Variants in PDE4DIP observed in about 807,000 individuals in gnomAD.
PDE4DIP encodes myomegalin.
PDE4DIP carries 59 observed loss-of-function variants against 221.4 expected under a neutral mutation model. That is an observed-to-expected ratio of 0.27 (90% CI 0.22 to 0.33). The LOEUF is 0.33. Ranked by LOEUF, PDE4DIP falls within the 10% of genes least tolerant of loss-of-function variation. PDE4DIP has a pLI of 1.00. For synonymous variants in PDE4DIP, 404 were observed against 815.9 expected (o/e 0.50, Z 8.60); for missense variants, 1,036 against 2,154.2 (o/e 0.48, Z 10.28).
chr1:149,022,550 AAT>A (rs1171876424), intron 37 of PDE4DIP, among the ~76,000 whole-genome samples: 21 of 152,294 alleles, frequency 1.4e-4, no homozygotes, highest in Admixed American at 3.3e-4. Flanking sequence ...AACCTGAAGA[AAT>A]AGAGGGGGCT....
chr1:148,979,866 T>C lies in PDE4DIP; in HGVS notation c.2687+17T>C. ...TCCAGAGAGGTAAGAGAGAGGCTGTTTTTTCTTTTATTCTTTATTGAAATT... is the reference window on the plus strand; with the variant it reads ...TCCAGAGAGGTAAGAGAGAGGCTGTCTTTTCTTTTATTCTTTATTGAAATT... On this transcript the variant is annotated intron_variant, in intron 20 of 43. Transcript: ENST00000369354. 6.2e-7 allele frequency: 1 copy of C among 1,609,328 alleles called. No homozygotes were observed. Among genetic ancestry groups the C allele is most frequent in the Non-Finnish European group, 8.5e-7 (1 of 1,177,280 alleles).
chr1:148,933,896 C>T (rs1255515387), intron 4 of PDE4DIP, among the ~76,000 whole-genome samples: 4 of 149,670 alleles, frequency 2.7e-5, no homozygotes, highest in South Asian at 4.3e-4. Flanking sequence ...CTTTGTTGAG[C>T]TCTTACCATA....
chr1:148,919,699 C>A (rs1294818371), intron 1 of PDE4DIP, among the ~76,000 whole-genome samples: 8 of 151,694 alleles, frequency 5.3e-5, no homozygotes, highest in Admixed American at 4.6e-4. Context: ...TAAAATAAAA[C>A]CCATTCACTA....
At chr1:148,979,281 A>C (rs587677005) in intron 19 of PDE4DIP, among the ~76,000 whole-genome samples, 1 of 152,274 alleles carries the variant, frequency 6.6e-6, no homozygotes, top group Non-Finnish European at 1.5e-5. Context: ...CACTTATTAC[A>C]CTCACAATGA....
chr1:148,938,516 T>C (rs2049776959), intron 5 of PDE4DIP: 1 of 151,760 alleles, frequency 6.6e-6, no homozygotes, highest in Non-Finnish European at 1.5e-5. Flanking sequence ...ACCTTAGAAT[T>C]TGCCAGCCAC....
chr1:149,017,326 A>G (rs1488541541), intron 33 of PDE4DIP, among the ~76,000 whole-genome samples: 3 of 152,046 alleles, frequency 2.0e-5, no homozygotes. Context: ...GGTGGGAGGA[A>G]GGGCTTTGTC....
At chr1:149,025,349 C>T (rs1408358484) in intron 38 of PDE4DIP, among the ~76,000 whole-genome samples, 4 of 151,798 alleles carry the variant, frequency 2.6e-5, no homozygotes, top group Non-Finnish European at 5.9e-5. Flanking sequence ...AGGTGGGGAA[C>T]TCAGTGTATG....
rs587640589 is a variant in PDE4DIP, at chr1:148,979,982, A to G, written c.2687+133A>G. The G allele has an allele frequency of 1.6e-5, 19 of 1,205,198 alleles. No individual in the cohort carries two copies. The East Asian group carries it at 3.2e-4, about 20-fold the overall frequency. 74.7% of individuals were successfully genotyped at this position (1,205,198 alleles called of 1,614,324 possible). On this transcript the variant is annotated intron_variant, in intron 20 of 43. Coordinates refer to ENST00000369354, the Ensembl canonical transcript of PDE4DIP. ...GAAGAGGGGAGAAAAAAGAGGGACA[A>G]TTACCGGGGCTACCCACTTTGTCAT... is the stretch of plus-strand genomic sequence containing the variant.
intron 22 of PDE4DIP, chr1:148,992,851 A>G (rs2063405821): frequency 9.5e-7 from 1 of 1,052,692 alleles, no homozygotes; most frequent in African/African-American, 1.7e-5. Flanking sequence ...TAAACAAGAA[A>G]TGAGGCTTTC....
chr1:149,017,784 G>A lies in PDE4DIP; in HGVS notation c.5555G>A (p.Arg1852Gln), dbSNP rs139494606. Reference sequence around the variant, plus strand: ...CTGGAAGAGCATCTTGGTGAAATCCGGAACCTGCGCCAGCGCCTGGAGGAA... The same window carrying A: ...CTGGAAGAGCATCTTGGTGAAATCCAGAACCTGCGCCAGCGCCTGGAGGAA... The change falls in exon 34 of 44, where the codon CGG (arginine) becomes CAG (glutamine). Residue 1852 changes from arginine (R) to glutamine (Q), a missense_variant. Coordinates refer to ENST00000369354, the Ensembl canonical transcript of PDE4DIP. The A allele has an allele frequency of 4.4e-5, 70 of 1,608,032 alleles. No individual in the cohort carries two copies. Among genetic ancestry groups the A allele is most frequent in the East Asian group, 1.8e-4 (8 of 43,330 alleles).
chr1:148,915,268 C>G (rs1268513774), intron 1 of PDE4DIP, among the ~76,000 whole-genome samples: 1 of 152,222 alleles, frequency 6.6e-6, no homozygotes, highest in Non-Finnish European at 1.5e-5. Context: ...CTGCCTCAGC[C>G]TCCCAAGTAG....
chr1:149,017,492 A>T, intron 33 of PDE4DIP: 1 of 385,082 alleles, frequency 2.6e-6, no homozygotes, highest in East Asian at 7.0e-5. Flanking sequence ...TAAAACGTGG[A>T]ACTCTCACAA....
intron 21 of PDE4DIP, chr1:148,983,030 T>C (rs1553545119): frequency 6.6e-6 from 1 of 152,072 alleles, no homozygotes; most frequent in African/African-American, 2.4e-5. Context: ...GATCTGCCAT[T>C]TCAGTTTCAA....
chr1:148,917,148 T>C (rs1414906342), intron 1 of PDE4DIP, among the ~76,000 whole-genome samples: 3 of 151,062 alleles, frequency 2.0e-5, no homozygotes, highest in Admixed American at 6.6e-5. Context: ...TTTATGTGTA[T>C]GTTTTCTCAC....
intron 14 of PDE4DIP, 70 bp from the exon 18 acceptor site, chr1:148,972,107 AAAT>A: frequency 2.6e-6 from 1 of 385,998 alleles, no homozygotes; most frequent in Non-Finnish European, 4.4e-6. Context: ...GACTTTGAAG[AAAT>A]AATACCAGAA....
intron 1 of PDE4DIP, among the ~76,000 whole-genome samples, chr1:148,836,327 G>A (rs7518340): frequency 2.7e-3 from 405 of 151,270 alleles, no homozygotes; most frequent in African/African-American, 9.1e-3. Flanking sequence ...TCCAGGTGCC[G>A]TCTGTCACCC....
intron 35 of PDE4DIP, chr1:149,019,504 G>A (rs2071902452): frequency 6.6e-6 from 1 of 152,132 alleles, no homozygotes. Context: ...GAAGATTTGA[G>A]AGGAAAGGTC....
chr1:148,981,407 T>C lies in PDE4DIP; in HGVS notation c.2815+10T>C. ...CTGGCCGCCATTGGAGGTGGGGAAC[T>C]GGAAAGTGTGCGAATTCATCACAAG... On this transcript the variant is annotated intron_variant, in intron 21 of 43. Coordinates refer to ENST00000369354, the Ensembl canonical transcript of PDE4DIP. 6.2e-7 allele frequency: 1 copy of C among 1,613,896 alleles called. No individual in the cohort carries two copies. The highest frequency in any genetic ancestry group is 8.5e-7 in the Non-Finnish European group (1 of 1,179,842).
intron 21 of PDE4DIP, 34 bp downstream of exon 24, chr1:148,981,431 A>G: frequency 1.2e-6 from 2 of 1,613,470 alleles, no homozygotes; most frequent in South Asian, 1.1e-5. Context: ...ATTCATCACA[A>G]GCATGCCTAC....
Sources: gnomAD v4.1 joint callset for allele counts (sites outside exome capture counted in the v4.1 genomes callset) on GRCh38, gnomAD v4.1.1 for gene constraint, MANE v1.5 for transcripts, NCBI Gene and HGNC (gene_info 2026-07-23, HGNC 2026-07-21) for gene names.